The following SFMBT1 variants were observed in gnomAD, a reference collection of about 807,000 sequenced individuals.
SFMBT1 encodes the protein Scm like with four mbt domains 1, also known as scm-like with four MBT domains protein 1.
SFMBT1 carries 32 observed loss-of-function variants against 108.7 expected under a neutral mutation model. The observed-to-expected ratio is 0.29, with a 90% CI of 0.22 to 0.40. The LOEUF (loss-of-function observed/expected upper bound fraction) is 0.40, where lower values mean the gene tolerates loss of function less well. Among genes scored for constraint, SFMBT1 ranks in the 10% least tolerant of loss-of-function variants. The pLI, the probability that SFMBT1 is intolerant of heterozygous loss-of-function variation, is 1.00. For synonymous variants in SFMBT1, 348 were observed against 369.5 expected, an observed-to-expected ratio of 0.94 and a Z score of 0.67; for missense variants, 816 against 1,059.6, an observed-to-expected ratio of 0.77 and a Z score of 3.19.
intron 2 of SFMBT1, among the ~76,000 whole-genome samples, chr3:52,955,611 G>C (rs1195852488): frequency 1.3e-5 from 2 of 151,954 alleles, no homozygotes; most frequent in Non-Finnish European, 1.5e-5. Context: ...TACAAGAAAT[G>C]GATAAATTCC....
chr3:52,988,961 G>C (rs929727889), intron 1 of SFMBT1, among the ~76,000 whole-genome samples: 1 of 152,102 alleles, frequency 6.6e-6, no homozygotes, highest in Non-Finnish European at 1.5e-5. Flanking sequence ...ATAGATTTCA[G>C]TACCCCCACA....
intron 1 of SFMBT1, among the ~76,000 whole-genome samples, chr3:53,011,355 G>A (rs1222795492): frequency 2.0e-5 from 3 of 152,170 alleles, no homozygotes. Context: ...GTGTAAGGTG[G>A]CAGGAGGGAT....
chr3:53,022,449 C>CAA (rs34744052), intron 1 of SFMBT1, among the ~76,000 whole-genome samples: 169 of 38,990 alleles, frequency 4.3e-3, no homozygotes, highest in Non-Finnish European at 6.2e-3. Flanking sequence ...GGTGCTGTCT[C>CAA]AAAAAAAAAA....
intron 1 of SFMBT1, among the ~76,000 whole-genome samples, chr3:53,016,216 A>T (rs564700736): frequency 6.6e-6 from 1 of 152,150 alleles, no homozygotes; most frequent in South Asian, 2.1e-4. Context: ...AAGCAGGAGG[A>T]ATTTGCTTGG....
At chr3:53,045,610 C>T in intron 1 of SFMBT1, among the ~76,000 whole-genome samples, 1 of 141,094 alleles carries the variant, frequency 7.1e-6, no homozygotes, top group South Asian at 2.2e-4. Context: ...GCCGCGCTCC[C>T]CCCGCCCCGC....
At chr3:53,041,950 TA>T (rs1235471104) in intron 1 of SFMBT1, among the ~76,000 whole-genome samples, 1 of 152,126 alleles carries the variant, frequency 6.6e-6, no homozygotes, top group Non-Finnish European at 1.5e-5. Context: ...TACTCTGCCA[TA>T]AGGAAGTTGT....
chr3:52,956,902 T>C (rs4687564), intron 2 of SFMBT1, among the ~76,000 whole-genome samples: 1 of 152,146 alleles, frequency 6.6e-6, no homozygotes, highest in Admixed American at 6.5e-5. Context: ...GCATTCCCCT[T>C]GAAAACTAGC....
intron 9 of SFMBT1, among the ~76,000 whole-genome samples, chr3:52,927,544 T>C (rs536848836): frequency 6.6e-6 from 1 of 152,312 alleles, no homozygotes; most frequent in African/African-American, 2.4e-5. Context: ...CAGATAAACA[T>C]CTGACATATT....
At chr3:53,038,234 T>C (rs2106970908) in intron 1 of SFMBT1, among the ~76,000 whole-genome samples, 1 of 152,326 alleles carries the variant, frequency 6.6e-6, no homozygotes, top group African/African-American at 2.4e-5. Flanking sequence ...TCTCCTACCC[T>C]GTATCTCCTC....
chr3:52,905,304 T>G, intron 20 of SFMBT1, 28 bp from the exon 21 acceptor site: 2 of 1,606,956 alleles, frequency 1.2e-6, no homozygotes, highest in African/African-American at 1.3e-5. Flanking sequence ...ACAAATTATC[T>G]GTGATGTGCA....
At chr3:53,015,488 T>C (rs1209125249) in intron 1 of SFMBT1, among the ~76,000 whole-genome samples, 1 of 152,202 alleles carries the variant, frequency 6.6e-6, no homozygotes, top group African/African-American at 2.4e-5. Context: ...ATAGCAATGT[T>C]CACAGCAGCA....
At chr3:52,949,286 C>T (rs1703486530) in intron 3 of SFMBT1, among the ~76,000 whole-genome samples, 1 of 152,114 alleles carries the variant, frequency 6.6e-6, no homozygotes, top group African/African-American at 2.4e-5. Context: ...GTATCTTCTG[C>T]TGTTGTTGAA....
At chr3:53,030,949 A>G (rs1699663480) in intron 1 of SFMBT1, among the ~76,000 whole-genome samples, 1 of 152,178 alleles carries the variant, frequency 6.6e-6, no homozygotes, top group Non-Finnish European at 1.5e-5. Context: ...TCAGTTCAGT[A>G]AAAAACTAAA....
At chr3:53,028,323 C>T (rs568884660) in intron 1 of SFMBT1, among the ~76,000 whole-genome samples, 1 of 152,338 alleles carries the variant, frequency 6.6e-6, no homozygotes, top group Non-Finnish European at 1.5e-5. Flanking sequence ...CTCAAGCAAT[C>T]CACCTGCCTT....
intron 1 of SFMBT1, among the ~76,000 whole-genome samples, chr3:53,013,759 G>A (rs1161456350): frequency 2.0e-5 from 3 of 148,758 alleles, no homozygotes; most frequent in Non-Finnish European, 4.4e-5. Flanking sequence ...CTCCCAAGTA[G>A]CTAGGATTAC....
At chr3:53,043,935 T>C (rs1280631503) in intron 1 of SFMBT1, among the ~76,000 whole-genome samples, 1 of 152,152 alleles carries the variant, frequency 6.6e-6, no homozygotes, top group Non-Finnish European at 1.5e-5. Context: ...GTCAGAATTG[T>C]GGTTGCCTTG....
chr3:52,922,058 T>C (rs575275776), intron 10 of SFMBT1, among the ~76,000 whole-genome samples: 5 of 152,368 alleles, frequency 3.3e-5, no homozygotes, highest in South Asian at 2.1e-4. Context: ...TCCTGCATTA[T>C]TGCTACTTGT....
intron 2 of SFMBT1, among the ~76,000 whole-genome samples, chr3:52,959,116 G>A (rs1227470305): frequency 6.6e-6 from 1 of 151,816 alleles, no homozygotes; most frequent in African/African-American, 2.4e-5. Context: ...GCATACATTG[G>A]GGCCTGTCAA....
chr3:52,985,353 T>G (rs973360004), intron 1 of SFMBT1, among the ~76,000 whole-genome samples: 1 of 152,224 alleles, frequency 6.6e-6, no homozygotes, highest in Non-Finnish European at 1.5e-5. Flanking sequence ...AACAAATGCT[T>G]GTTAACCATT....
Sources: gnomAD v4.1 joint callset for allele counts (sites outside exome capture counted in the v4.1 genomes callset) on GRCh38, gnomAD v4.1.1 for gene constraint, MANE v1.5 for transcripts, NCBI Gene and HGNC (gene_info 2026-07-23, HGNC 2026-07-21) for gene names.